GRIK5: variants seen among roughly 807,000 people sequenced by gnomAD.
The protein encoded by GRIK5 is glutamate ionotropic receptor kainate type subunit 5.
A neutral mutation model predicts 97.4 loss-of-function variants in GRIK5; 43 were observed. The ratio of observed to expected loss-of-function variants is 0.44; its 90% CI spans 0.35 to 0.57. The LOEUF (loss-of-function observed/expected upper bound fraction) is 0.57, where lower values mean the gene tolerates loss of function less well. Ranked by LOEUF, GRIK5 falls within the 20% of genes least tolerant of loss-of-function variation. The pLI, the probability that GRIK5 is intolerant of heterozygous loss-of-function variation, is 0.01. For missense variants in GRIK5, 1,015 were observed against 1,382.0 expected, an observed-to-expected ratio of 0.73 and a Z score of 4.21; for synonymous variants, 580 against 583.5, an observed-to-expected ratio of 0.99 and a Z score of 0.09.
At chr19:42,027,867 T>C (rs2075791189) in intron 12 of GRIK5, among the ~76,000 whole-genome samples, 1 of 152,162 alleles carries the variant, frequency 6.6e-6, no homozygotes, top group African/African-American at 2.4e-5. Flanking sequence ...TTTTGCTCTG[T>C]CACCCAGGCT....
intron 11 of GRIK5, among the ~76,000 whole-genome samples, chr19:42,045,178 C>T (rs1013474421): frequency 6.6e-6 from 1 of 152,202 alleles, no homozygotes; most frequent in African/African-American, 2.4e-5. Flanking sequence ...TATTGTGCTG[C>T]TTCTTCTAGC....
At chr19:42,051,582 T>C (rs533563075) in intron 11 of GRIK5, among the ~76,000 whole-genome samples, 197 of 152,322 alleles carry the variant, frequency 1.3e-3, no homozygotes, top group African/African-American at 4.4e-3. Context: ...CACAACCCTC[T>C]GTACTTGCTA....
chr19:42,061,728 C>A (rs1375670908), intron 5 of GRIK5, among the ~76,000 whole-genome samples: 1 of 152,208 alleles, frequency 6.6e-6, no homozygotes, highest in African/African-American at 2.4e-5. Context: ...CTCATTCCAA[C>A]TGCCACCACC....
At chr19:42,048,519 C>T (rs966881910) in intron 11 of GRIK5, among the ~76,000 whole-genome samples, 2 of 152,140 alleles carry the variant, frequency 1.3e-5, no homozygotes, top group Non-Finnish European at 2.9e-5. Context: ...ACTTGGGAGG[C>T]TGAGGCAGGA....
At chr19:42,029,472 G>A (rs1237629996) in intron 12 of GRIK5, among the ~76,000 whole-genome samples, 1 of 152,040 alleles carries the variant, frequency 6.6e-6, no homozygotes, top group African/African-American at 2.4e-5. Flanking sequence ...GCCAGGCTTG[G>A]TGGCAGGCGC....
At chr19:42,033,727 C>T (rs1295666137) in intron 12 of GRIK5, among the ~76,000 whole-genome samples, 1 of 152,092 alleles carries the variant, frequency 6.6e-6, no homozygotes, top group Non-Finnish European at 1.5e-5. Context: ...AGGCTGGGCA[C>T]GGTGGCTAAT....
intron 15 of GRIK5, among the ~76,000 whole-genome samples, chr19:42,016,514 T>C (rs1293051679): frequency 6.6e-6 from 1 of 152,202 alleles, no homozygotes; most frequent in Non-Finnish European, 1.5e-5. Context: ...GGACACAGTG[T>C]GGATGACTGG....
Position 42,042,402 on chromosome 19 carries a change from C to T in GRIK5, c.1473+150G>A, listed in dbSNP as rs946195019. 4 of 682,166 alleles carry T rather than the reference C, an allele frequency of 5.9e-6. No homozygotes were observed. The highest frequency in any genetic ancestry group is 1.0e-5 in the Non-Finnish European group (4 of 401,444). The allele number at this position is 682,166 out of a possible 1,614,324, so 42.3% of individuals were successfully genotyped here. A position where few individuals can be genotyped will look rare whatever the true frequency, so the allele number is the denominator to read the frequency against. On this transcript the variant is annotated intron_variant, in intron 12 of 19. Coordinates refer to ENST00000593562, the MANE Select transcript of GRIK5 (RefSeq NM_002088.5). The surrounding 1 kb of genome is among the most constrained non-coding windows in gnomAD (Gnocchi z 6.9). ...CGCCAGGCACAGGCATACAGCGCAACATCAGTGAGGTGGTGTCAGGGGCCC... is the reference window on the plus strand; with the variant it reads ...CGCCAGGCACAGGCATACAGCGCAATATCAGTGAGGTGGTGTCAGGGGCCC...
chr19:42,053,339 T>C (rs2076140247), intron 11 of GRIK5, among the ~76,000 whole-genome samples: 1 of 152,244 alleles, frequency 6.6e-6, no homozygotes, highest in South Asian at 2.1e-4. Context: ...CTGGCAATCA[T>C]GATTCATCAG....
In GRIK5 at chr19:42,065,352, C is replaced by G. The variant is rs377106126; in HGVS notation, c.115G>C (p.Gly39Arg). ...GCCAAGGCCAAGGCCAGACGCTCAC[C>G]GCGGCCACACACTGTCTGATCATCC... ...ILDDQTVCGR[G>R]ERLALALARE... Residue 39 changes from glycine (G) to arginine (R), a missense_variant, in exon 3 of 20, where the codon GGT becomes CGT. By Grantham distance (125) the Gly-to-Arg change is moderately radical. Transcript: ENST00000593562. This position sits in a 1 kb window ranked among gnomAD's most constrained non-coding sequence, Gnocchi z 5.8. The G allele has an allele frequency of 1.2e-6, 2 of 1,605,198 alleles. No individual in the cohort carries two copies. Among genetic ancestry groups the G allele is most frequent in the Non-Finnish European group, 1.7e-6 (2 of 1,175,652 alleles).
intron 12 of GRIK5, among the ~76,000 whole-genome samples, chr19:42,037,502 G>T (rs1027302705): frequency 2.6e-5 from 4 of 152,170 alleles, no homozygotes; most frequent in African/African-American, 9.6e-5. Context: ...CCCTCTGTGA[G>T]GGAGGTAACA....
Position 41,999,034 on chromosome 19 carries a change from C to A in GRIK5, c.2780G>T (p.Cys927Phe). Residue 927 changes from cysteine (C) to phenylalanine (F), a missense_variant, in exon 20 of 20, where the codon TGC becomes TTC. Around this residue, in one of 5 missense-constraint regions of GRIK5, gnomAD observed 109 missense variants for 100.4 expected, o/e 1.09. Transcript: ENST00000593562. The surrounding 1 kb of genome is among the most constrained non-coding windows in gnomAD (Gnocchi z 5.0). Reference sequence around the variant, plus strand: ...CTCCTGGCAGACGCGCACGTGGGTGCAGGGGGTGGGGGCGGCGGGTCGGGC... The same window carrying A: ...CTCCTGGCAGACGCGCACGTGGGTGAAGGGGGTGGGGGCGGCGGGTCGGGC... ...SGARPAAPTP[C>F]THVRVCQECR... is the part of the protein sequence containing the mutation. 1 of 1,206,436 alleles carries A rather than the reference C, an allele frequency of 8.3e-7. No individual in the cohort carries two copies. Among genetic ancestry groups the A allele is most frequent in the Non-Finnish European group, 1.0e-6 (1 of 973,420 alleles). 74.7% of individuals were successfully genotyped at this position (1,206,436 alleles called of 1,614,324 possible). A position where few individuals can be genotyped will look rare whatever the true frequency, so the allele number is the denominator to read the frequency against.
chr19:42,005,666 A>G, intron 17 of GRIK5, 57 bp downstream of exon 17: 1 of 1,260,288 alleles, frequency 7.9e-7, no homozygotes, highest in Non-Finnish European at 1.1e-6. Context: ...GGGCCTGCTC[A>G]CAGGTGGTTT....
At chr19:42,029,113 G>A (rs2075808182) in intron 12 of GRIK5, among the ~76,000 whole-genome samples, 2 of 152,040 alleles carry the variant, frequency 1.3e-5, no homozygotes, top group Non-Finnish European at 2.9e-5. Flanking sequence ...CTGTAGCTGG[G>A]CTAGAGTGCA....
chr19:42,007,758 C>T (rs184753656), intron 15 of GRIK5, among the ~76,000 whole-genome samples: 1 of 152,222 alleles, frequency 6.6e-6, no homozygotes, highest in East Asian at 1.9e-4. Flanking sequence ...AGAGTTGACA[C>T]AGGGCTGAGA....
intron 11 of GRIK5, 142 bp downstream of exon 11, chr19:42,053,460 A>G: frequency 1.6e-6 from 1 of 621,138 alleles, no homozygotes; most frequent in South Asian, 1.9e-5. Context: ...CTTGTTCACA[A>G]CCTGGAGTTG....
intron 1 of GRIK5, chr19:42,068,996 G>A (rs756906082): frequency 2.1e-5 from 11 of 533,424 alleles, no homozygotes; most frequent in South Asian, 1.2e-4. Context: ...AATCAGCCCC[G>A]TAGGACCCCA....
intron 12 of GRIK5, among the ~76,000 whole-genome samples, chr19:42,025,038 G>A (rs1310129975): frequency 6.6e-6 from 1 of 152,210 alleles, no homozygotes; most frequent in Non-Finnish European, 1.5e-5. Flanking sequence ...GATCTGCTGT[G>A]TCTCATGTCC....
chr19:42,031,738 C>T (rs1320323095), intron 12 of GRIK5, among the ~76,000 whole-genome samples: 4 of 152,148 alleles, frequency 2.6e-5, no homozygotes, highest in Admixed American at 6.5e-5. Flanking sequence ...CAAAATATCA[C>T]GAAAGCCACA....
Sources: allele counts gnomAD v4.1 joint callset (sites outside exome capture counted in the v4.1 genomes callset), GRCh38; gene constraint gnomAD v4.1.1; regional missense constraint gnomAD v4.1.1; non-coding constraint Gnocchi (gnomAD v3.1); transcripts MANE v1.5; gene names NCBI Gene and HGNC (gene_info 2026-07-23, HGNC 2026-07-21).